FAM114A2: variants seen among roughly 807,000 people sequenced by gnomAD.
FAM114A2 encodes the protein protein FAM114A2.
FAM114A2 carries 53 observed loss-of-function variants against 58.4 expected under a neutral mutation model. The ratio of observed to expected loss-of-function variants is 0.91; its 90% confidence interval spans 0.73 to 1.14. FAM114A2 has a LOEUF of 1.14. Among genes scored for constraint, FAM114A2 ranks in the 50% most tolerant of loss-of-function variants. The pLI, the probability that FAM114A2 is intolerant of heterozygous loss-of-function variation, is 0.00. For synonymous variants in FAM114A2, 228 were observed against 211.4 expected (o/e 1.08, Z -0.68); for missense variants, 601 against 581.1 (o/e 1.03, Z -0.35).
chr5:154,011,330 C>T lies in FAM114A2; in HGVS notation c.914-10G>A. The T allele has an allele frequency of 6.2e-7, 1 of 1,604,370 alleles. No homozygotes were observed. Among genetic ancestry groups the T allele is most frequent in the Non-Finnish European group, 8.5e-7 (1 of 1,172,434 alleles). On this transcript the variant is annotated splice_polypyrimidine_tract_variant and intron_variant, in intron 8 of 13. Transcript: ENST00000351797. ...GTAAAATCTTCATCCCCTAAAAAAC[C>T]AAGTCCCATATAAAACACTCCAGAA...
chr5:154,034,034 AT>A, intron 3 of FAM114A2, 151 bp from the exon 4 acceptor site: 1 of 663,398 alleles, frequency 1.5e-6, no homozygotes. Context: ...CCTTAAAAAA[AT>A]TGATTCATCA....
intron 1 of FAM114A2, among the ~76,000 whole-genome samples, chr5:154,035,409 T>C (rs887659869): frequency 1.3e-5 from 2 of 152,194 alleles, no homozygotes; most frequent in African/African-American, 4.8e-5. Context: ...ATCTCTGTAA[T>C]TCTGTCATTT....
intron 8 of FAM114A2, among the ~76,000 whole-genome samples, chr5:154,021,775 T>C (rs538596102): frequency 5.9e-4 from 90 of 152,300 alleles, no homozygotes; most frequent in African/African-American, 2.0e-3. Flanking sequence ...AATGACTTTC[T>C]TCACAGAATT....
chr5:154,027,212 T>C lies in FAM114A2; in HGVS notation c.753A>G (p.Glu251=). 6.2e-7 allele frequency: 1 copy of C among 1,613,502 alleles called. No individual in the cohort carries two copies. Among genetic ancestry groups the C allele is most frequent in the Non-Finnish European group, 8.5e-7 (1 of 1,179,698 alleles). The change falls in exon 7 of 14, where the codon GAA becomes GAG. Residue 251 remains glutamate (E), a synonymous_variant. Coordinates refer to ENST00000351797, the MANE Select transcript of FAM114A2 (RefSeq NM_018691.4). Reference sequence around the variant, plus strand: ...TTTCTTGGGAAAGCATCTCCAGAGCTTCTAGATGTGAAAGGCCTTGAAATT... The same window carrying C: ...TTTCTTGGGAAAGCATCTCCAGAGCCTCTAGATGTGAAAGGCCTTGAAATT... ...FDEFQGLSHL[E]ALEMLSQESE... is the part of the protein sequence containing the mutation.
chr5:154,003,233 C>A (rs1479388144), intron 9 of FAM114A2, among the ~76,000 whole-genome samples: 1 of 149,078 alleles, frequency 6.7e-6, no homozygotes. Context: ...GGCTGGAGTG[C>A]AATGGCACAA....
chr5:153,999,679 G>T (rs1213638689), intron 11 of FAM114A2, among the ~76,000 whole-genome samples: 2 of 149,778 alleles, frequency 1.3e-5, no homozygotes, highest in Admixed American at 1.3e-4. Flanking sequence ...CAAGAAAAGA[G>T]AATTCTTATA....
At chr5:154,019,707 A>G (rs1771276026) in intron 8 of FAM114A2, among the ~76,000 whole-genome samples, 1 of 152,210 alleles carries the variant, frequency 6.6e-6, no homozygotes, top group Admixed American at 6.6e-5. Flanking sequence ...AGAACAGAAT[A>G]GAGAACCCAG....
rs548476634 is a variant in FAM114A2, at chr5:154,003,598, A to C, written c.994-629T>G. Among the ~76,000 whole-genome samples, 12 of 152,280 alleles carry C rather than the reference A, an allele frequency of 7.9e-5. No homozygotes were observed. The East Asian group carries it at 2.3e-3, about 29-fold the overall frequency. On this transcript the variant is annotated intron_variant, in intron 9 of 13. Transcript: ENST00000351797. ...TACGAAACCGTGATCAAGATATAGA[A>C]TATTTCCTCATCCCTAGAAGGTCCC... is the stretch of plus-strand genomic sequence containing the variant.
chr5:153,999,445 G>A (rs1272377736), intron 11 of FAM114A2, among the ~76,000 whole-genome samples: 1 of 152,060 alleles, frequency 6.6e-6, no homozygotes, highest in Non-Finnish European at 1.5e-5. Flanking sequence ...AGACCAGCCT[G>A]GCCAACATGG....
intron 8 of FAM114A2, among the ~76,000 whole-genome samples, chr5:154,020,487 A>G (rs1324534518): frequency 6.6e-6 from 1 of 152,242 alleles, no homozygotes; most frequent in Non-Finnish European, 1.5e-5. Flanking sequence ...CCACAGAAAT[A>G]CAAACTACCA....
intron 9 of FAM114A2, among the ~76,000 whole-genome samples, chr5:154,005,408 T>A (rs561678273): frequency 9.8e-5 from 15 of 152,286 alleles, no homozygotes; most frequent in Non-Finnish European, 1.6e-4. Context: ...TCAATGGACA[T>A]CAGTCTCAGG....
At chr5:153,995,837 C>T (rs561343788) in intron 12 of FAM114A2, among the ~76,000 whole-genome samples, 1 of 152,252 alleles carries the variant, frequency 6.6e-6, no homozygotes, top group Admixed American at 6.5e-5. Context: ...GCTTTAACTA[C>T]TTCTCTCCCA....
intron 8 of FAM114A2, among the ~76,000 whole-genome samples, chr5:154,013,066 T>C (rs1304657045): frequency 2.0e-5 from 3 of 151,876 alleles, no homozygotes; most frequent in African/African-American, 7.2e-5. Flanking sequence ...TTATATAATT[T>C]ATAAACATCC....
intron 8 of FAM114A2, among the ~76,000 whole-genome samples, chr5:154,025,506 T>C (rs541075182): frequency 5.1e-4 from 77 of 152,324 alleles, no homozygotes; most frequent in African/African-American, 1.6e-3. Context: ...TTCTGACTCA[T>C]AGACTCCCTG....
At position 153,991,692 on chromosome 5, in the gene FAM114A2, A is replaced by ATTTTTTTTTTTTTTTTTT. The variant is rs58561538; in HGVS notation, c.*1266_*1283dup. 7.7e-6 allele frequency: 1 copy of ATTTTTTTTTTTTTTTTTT among 129,134 alleles called. No individual in the cohort carries two copies. The highest frequency in any genetic ancestry group is 1.7e-5 in the Non-Finnish European group (1 of 60,066). 8.0% of individuals were successfully genotyped at this position (129,134 alleles called of 1,614,324 possible). ...ATCTATGTTATGGCTTTGCTTTGCT[A>ATTTTTTTTTTTTTTTTTT]TTTTTTTTTTTTTTTTTTGGTCTAA... On this transcript the variant is annotated 3_prime_UTR_variant, in exon 14 of 14. Coordinates refer to ENST00000351797, the MANE Select transcript of FAM114A2 (RefSeq NM_018691.4).
chr5:154,011,945 A>G (rs1770728033), intron 8 of FAM114A2, among the ~76,000 whole-genome samples: 1 of 152,210 alleles, frequency 6.6e-6, no homozygotes, highest in South Asian at 2.1e-4. Context: ...AGGCCATATA[A>G]TCGATGGTGA....
chr5:154,002,773 G>A (rs1025859723), intron 10 of FAM114A2, 74 bp downstream of exon 10: 8 of 1,492,784 alleles, frequency 5.4e-6, no homozygotes, highest in Non-Finnish European at 6.5e-6. Context: ...GTAAAAATAG[G>A]AGCCTGGGTC....
intron 4 of FAM114A2, 148 bp downstream of exon 4, chr5:154,033,643 T>C (rs556772553): frequency 3.3e-5 from 19 of 573,916 alleles, no homozygotes; most frequent in African/African-American, 1.3e-4. Flanking sequence ...AGATGTCTAA[T>C]TGGGAACTAA....
intron 9 of FAM114A2, among the ~76,000 whole-genome samples, chr5:154,009,253 C>T (rs1270388613): frequency 6.6e-6 from 1 of 151,954 alleles, no homozygotes; most frequent in African/African-American, 2.4e-5. Flanking sequence ...TAAGGAAGCA[C>T]CCAAAAATGA....
Sources: gnomAD v4.1 joint callset for allele counts (sites outside exome capture counted in the v4.1 genomes callset) on GRCh38, gnomAD v4.1.1 for gene constraint, MANE v1.5 for transcripts, NCBI Gene and HGNC (gene_info 2026-07-23, HGNC 2026-07-21) for gene names.